The following CLOCK variants were observed in gnomAD, a reference collection of about 807,000 sequenced individuals.
CLOCK encodes clock circadian regulator.
In CLOCK, 43 loss-of-function variants were observed where a neutral mutation model predicts 118.4. The observed-to-expected ratio is 0.36, with a 90% confidence interval of 0.28 to 0.47. The LOEUF is 0.47. Among genes scored for constraint, CLOCK ranks in the 20% least tolerant of loss-of-function variants. The pLI, the probability that CLOCK is intolerant of heterozygous loss-of-function variation, is 1.00. For synonymous variants in CLOCK, 326 were observed against 339.2 expected (o/e 0.96, Z 0.43); for missense variants, 846 against 999.9 (o/e 0.85, Z 2.08).
chr4:55,481,899 T>TA (rs1176379981), intron 4 of CLOCK, among the ~76,000 whole-genome samples: 1 of 152,174 alleles, frequency 6.6e-6, no homozygotes. Context: ...AAATAACATG[T>TA]AAAAAAGTAT....
chr4:55,482,566 C>T (rs1727003690), intron 4 of CLOCK, among the ~76,000 whole-genome samples, 173 bp downstream of exon 4: 1 of 152,154 alleles, frequency 6.6e-6, no homozygotes, highest in African/African-American at 2.4e-5. Flanking sequence ...CTGGAAAATA[C>T]TGATATACCT....
Position 55,522,093 on chromosome 4 carries a change from G to A in CLOCK, c.-289-12028C>T, listed in dbSNP as rs534681431. Among the ~76,000 whole-genome samples, 17 of 152,232 alleles carry A rather than the reference G, an allele frequency of 1.1e-4. No individual in the cohort carries two copies. The South Asian group carries it at 2.9e-3, about 26-fold the overall frequency. ...CCAAATAGGGCAAAAAGTTATACCG[G>A]ATTTCTTTCTTACCACACGTAAACA... On this transcript the variant is annotated intron_variant, in intron 1 of 22. Coordinates refer to ENST00000513440, the MANE Select transcript of CLOCK (RefSeq NM_004898.4).
rs568385140 is a variant in CLOCK, at chr4:55,431,776, A to C, written c.*3639T>G. 6.6e-6 allele frequency: 1 copy of C among 152,352 alleles called. No homozygotes were observed. Among genetic ancestry groups the C allele is most frequent in the East Asian group, 1.9e-4 (1 of 5,192 alleles). The allele number at this position is 152,352 out of a possible 1,614,324, so 9.4% of individuals were successfully genotyped here. A position where few individuals can be genotyped will look rare whatever the true frequency, so the allele number is the denominator to read the frequency against. On this transcript the variant is annotated 3_prime_UTR_variant, in exon 23 of 23. Coordinates refer to ENST00000513440, the MANE Select transcript of CLOCK (RefSeq NM_004898.4). Reference sequence around the variant, plus strand: ...TTCCACTTTTAAAAAGTTTGCCTCAATGTAGTGGAAACATCTGAAAACATG... The same window carrying C: ...TTCCACTTTTAAAAAGTTTGCCTCACTGTAGTGGAAACATCTGAAAACATG...
intron 9 of CLOCK, among the ~76,000 whole-genome samples, chr4:55,460,678 T>C (rs1725267493): frequency 6.6e-6 from 1 of 152,234 alleles, no homozygotes; most frequent in Non-Finnish European, 1.5e-5. Context: ...CTATTACTCT[T>C]AGACTTGTAA....
intron 1 of CLOCK, among the ~76,000 whole-genome samples, chr4:55,530,461 T>C (rs1053839656): frequency 6.6e-6 from 1 of 152,172 alleles, no homozygotes; most frequent in Admixed American, 6.5e-5. Context: ...GTAAGTACTC[T>C]GTATACTGGA....
intron 1 of CLOCK, among the ~76,000 whole-genome samples, chr4:55,542,812 C>T (rs866527366): frequency 6.6e-6 from 1 of 152,002 alleles, no homozygotes; most frequent in Middle Eastern, 3.2e-3. Context: ...ACGAGGCTTT[C>T]GTAGGAGTCT....
chr4:55,451,229 T>C (rs1724419826), intron 15 of CLOCK, among the ~76,000 whole-genome samples: 1 of 152,188 alleles, frequency 6.6e-6, no homozygotes, highest in African/African-American at 2.4e-5. Flanking sequence ...TCTGTTCTTA[T>C]TGATCACCAA....
At chr4:55,519,122 A>G (rs1729698955) in intron 1 of CLOCK, among the ~76,000 whole-genome samples, 1 of 152,012 alleles carries the variant, frequency 6.6e-6, no homozygotes, top group South Asian at 2.1e-4. Context: ...AGCAATCATA[A>G]TTGACTACCG....
chr4:55,509,116 G>A (rs1320740691), intron 2 of CLOCK, among the ~76,000 whole-genome samples: 3 of 152,144 alleles, frequency 2.0e-5, no homozygotes, highest in Non-Finnish European at 2.9e-5. Context: ...CATAGAAAAG[G>A]TAATGGGTTG....
At chr4:55,524,236 C>T (rs894285387) in intron 1 of CLOCK, among the ~76,000 whole-genome samples, 61 of 151,622 alleles carry the variant, frequency 4.0e-4, no homozygotes, top group African/African-American at 1.4e-3. Flanking sequence ...TAAAAATACA[C>T]ACACACACAA....
At chr4:55,484,012 G>A (rs946115653) in intron 3 of CLOCK, among the ~76,000 whole-genome samples, 1 of 152,022 alleles carries the variant, frequency 6.6e-6, no homozygotes, top group African/African-American at 2.4e-5. Context: ...AATGCTCAAC[G>A]GAGCATTTCT....
At chr4:55,489,032 G>C (rs1727492246) in intron 3 of CLOCK, among the ~76,000 whole-genome samples, 1 of 152,176 alleles carries the variant, frequency 6.6e-6, no homozygotes, top group African/African-American at 2.4e-5. Context: ...ACAGTGCCCA[G>C]CCTTACACTA....
intron 2 of CLOCK, among the ~76,000 whole-genome samples, chr4:55,495,722 T>C (rs1577796237): frequency 6.6e-6 from 1 of 152,206 alleles, no homozygotes. Flanking sequence ...CAATTTTGTG[T>C]TCCACCCCAC....
At chr4:55,444,868 TATAACATGAGTGAAGGATG>T in intron 18 of CLOCK, 83 bp from the exon 19 acceptor site, 1 of 1,394,412 alleles carries the variant, frequency 7.2e-7, no homozygotes. Flanking sequence ...AAGTAAGCAG[TATAACATGAGTGAAGGATG>T]ATAACATCCT....
rs75037948 is a variant in CLOCK, at chr4:55,492,005, T to C, written c.-135-2540A>G. ...AGAATTAATACCAATCCCCCTCAAA[T>C]GCTTCCAACAAACTGAAAAGGGAAC... On this transcript the variant is annotated intron_variant, in intron 2 of 22. Transcript: ENST00000513440. Among the ~76,000 whole-genome samples, 1,479 of 152,268 alleles carry C rather than the reference T, an allele frequency of 9.7e-3. 28 individuals are homozygous for C. Among genetic ancestry groups the C allele is most frequent in the African/African-American group, 0.034 (1,411 of 41,570 alleles).
intron 2 of CLOCK, among the ~76,000 whole-genome samples, chr4:55,490,186 T>C (rs973504371): frequency 1.3e-5 from 2 of 151,822 alleles, no homozygotes; most frequent in African/African-American, 4.8e-5. Flanking sequence ...TGGAAAAATA[T>C]ATCCCATGCA....
chr4:55,516,659 CTT>C (rs1487384531), intron 1 of CLOCK, among the ~76,000 whole-genome samples: 1 of 152,108 alleles, frequency 6.6e-6, no homozygotes, highest in Non-Finnish European at 1.5e-5. Flanking sequence ...CTGGCACTGT[CTT>C]TTAATTGGTG....
At chr4:55,451,489 T>C (rs12500601) in intron 15 of CLOCK, among the ~76,000 whole-genome samples, 5,814 of 151,978 alleles carry the variant, frequency 0.038, 138 homozygotes, top group Non-Finnish European at 0.061. Flanking sequence ...TCAAAATTCA[T>C]GATTTTGAAA....
intron 3 of CLOCK, among the ~76,000 whole-genome samples, chr4:55,485,211 T>C (rs13107988): frequency 0.34 from 51,307 of 151,960 alleles, 9,358 homozygotes; most frequent in East Asian, 0.58. Context: ...GTGATCCGCC[T>C]GCCTCAGCCT....
Sources: gnomAD v4.1 joint callset for allele counts (sites outside exome capture counted in the v4.1 genomes callset) on GRCh38, gnomAD v4.1.1 for gene constraint, MANE v1.5 for transcripts, NCBI Gene and HGNC (gene_info 2026-07-23, HGNC 2026-07-21) for gene names.